The following SMIM35 variants were observed in gnomAD, a reference collection of about 807,000 sequenced individuals.
SMIM35 encodes the protein TMPRSS4 antisense RNA 1 (non-protein coding).
At chr11:118,077,135 G>A (rs879575556) in intron 1 of SMIM35, 33 of 666,620 alleles carry the variant, frequency 5.0e-5, no homozygotes, top group African/African-American at 7.5e-5. Context: ...GATGCTGGGC[G>A]TGAGGGACCA....
chr11:118,029,284 C>A (rs2058299099), intron 1 of SMIM35, among the ~76,000 whole-genome samples: 1 of 152,156 alleles, frequency 6.6e-6, no homozygotes, highest in South Asian at 2.1e-4. Context: ...CAACGAAACG[C>A]CGTCTCTACA....
intron 1 of SMIM35, among the ~76,000 whole-genome samples, chr11:118,027,603 T>C (rs76326028): frequency 0.06 from 9,186 of 152,268 alleles, 722 homozygotes; most frequent in African/African-American, 0.18. Flanking sequence ...AACTATGCTA[T>C]AACTTTTAGA....
chr11:118,059,077 A>G (rs1944358583), intron 1 of SMIM35: 1 of 152,298 alleles, frequency 6.6e-6, no homozygotes, highest in Non-Finnish European at 1.5e-5. Flanking sequence ...GCGTCTGCAC[A>G]CAGCCTCAGT....
chr11:118,075,832 T>C (rs1392744894), intron 1 of SMIM35, among the ~76,000 whole-genome samples: 1 of 152,260 alleles, frequency 6.6e-6, no homozygotes, highest in Non-Finnish European at 1.5e-5. Context: ...TTTAGTTTTG[T>C]CGCCCACAGA....
chr11:118,037,154 C>A (rs959915821), intron 1 of SMIM35, among the ~76,000 whole-genome samples: 4 of 152,172 alleles, frequency 2.6e-5, no homozygotes, highest in African/African-American at 7.2e-5. Context: ...GGTTGGCCAG[C>A]GACCACTCTA....
rs1234562290 is a variant in SMIM35 at position 118,005,782 on chromosome 11, C to T, written c.*628G>A. 3 of 152,672 alleles carry T rather than the reference C, an allele frequency of 2.0e-5. No individual in the cohort carries two copies. Among genetic ancestry groups the T allele is most frequent in the African/African-American group, 7.2e-5 (3 of 41,480 alleles). 9.5% of individuals were successfully genotyped at this position (152,672 alleles called of 1,614,324 possible). ...CACCATGAGGCTCTGTCCTGCTCCT[C>T]TGCATCCACTCCTGCTCCCTCAGTC... On this transcript the variant is annotated 3_prime_UTR_variant, in exon 5 of 5. Coordinates refer to ENST00000689828, the MANE Select transcript of SMIM35 (RefSeq NM_001394165.1).
intron 1 of SMIM35, among the ~76,000 whole-genome samples, chr11:118,021,586 TA>T (rs2058231861): frequency 1.3e-5 from 2 of 152,064 alleles, no homozygotes; most frequent in Non-Finnish European, 2.9e-5. Context: ...CAGTCACATA[TA>T]AAAGGGAAAA....
intron 1 of SMIM35, among the ~76,000 whole-genome samples, chr11:118,066,124 G>C (rs1030846223): frequency 6.6e-6 from 1 of 152,026 alleles, no homozygotes; most frequent in Non-Finnish European, 1.5e-5. Flanking sequence ...GACTCAAACT[G>C]TTCAGTCCCA....
intron 1 of SMIM35, among the ~76,000 whole-genome samples, chr11:118,022,027 TAA>T (rs1053807002): frequency 1.4e-5 from 2 of 145,374 alleles, no homozygotes; most frequent in African/African-American, 2.6e-5. Context: ...CATAAAACAA[TAA>T]GTCTTTTTTT....
At chr11:118,068,260 C>G (rs752637265) in intron 1 of SMIM35, among the ~76,000 whole-genome samples, 1 of 152,004 alleles carries the variant, frequency 6.6e-6, no homozygotes, top group Non-Finnish European at 1.5e-5. Context: ...CCCATTGCAC[C>G]CCTGGTTTTC....
intron 1 of SMIM35, among the ~76,000 whole-genome samples, chr11:118,048,382 G>T (rs674576): frequency 1.3e-5 from 2 of 151,864 alleles, no homozygotes; most frequent in East Asian, 1.9e-4. Flanking sequence ...ACCTGCTGGC[G>T]TGCTCCTGTA....
chr11:118,053,011 C>T (rs1591300376), intron 1 of SMIM35, among the ~76,000 whole-genome samples: 1 of 152,294 alleles, frequency 6.6e-6, no homozygotes, highest in Admixed American at 6.5e-5. Context: ...GTCTCCAAAG[C>T]CTACTAGCTC....
chr11:118,064,036 C>T (rs1247783694), intron 1 of SMIM35, among the ~76,000 whole-genome samples: 3 of 152,156 alleles, frequency 2.0e-5, no homozygotes, highest in East Asian at 1.9e-4. Context: ...AAGGGAGTTG[C>T]GGTCTTGTGG....
At chr11:118,079,081 G>A (rs1460578810) in intron 1 of SMIM35, among the ~76,000 whole-genome samples, 1 of 152,122 alleles carries the variant, frequency 6.6e-6, no homozygotes, top group Non-Finnish European at 1.5e-5. Context: ...GGGAACACTG[G>A]TGGAGGGGTC....
chr11:118,023,158 A>G (rs2058245941), intron 1 of SMIM35, among the ~76,000 whole-genome samples: 1 of 152,010 alleles, frequency 6.6e-6, no homozygotes, highest in South Asian at 2.1e-4. Flanking sequence ...AAAATGACCC[A>G]TAATGAACAG....
chr11:118,064,484 A>T (rs939364110), intron 1 of SMIM35, among the ~76,000 whole-genome samples: 1 of 152,186 alleles, frequency 6.6e-6, no homozygotes, highest in Admixed American at 6.5e-5. Context: ...AAATCTCCCT[A>T]TGTTGCCCAG....
intron 1 of SMIM35, among the ~76,000 whole-genome samples, chr11:118,043,857 T>G (rs1301492970): frequency 2.3e-4 from 30 of 130,056 alleles, no homozygotes; most frequent in South Asian, 5.1e-4. Flanking sequence ...CCAGGGGAAG[T>G]GGGGAGAAAA....
At chr11:118,078,371 G>A (rs1180251637) in intron 1 of SMIM35, among the ~76,000 whole-genome samples, 1 of 152,154 alleles carries the variant, frequency 6.6e-6, no homozygotes, top group Admixed American at 6.5e-5. Context: ...ACTGTCCAAG[G>A]GGGAAGGGTG....
At chr11:118,050,175 A>C (rs1199161638) in intron 1 of SMIM35, among the ~76,000 whole-genome samples, 1 of 152,240 alleles carries the variant, frequency 6.6e-6, no homozygotes, top group Non-Finnish European at 1.5e-5. Flanking sequence ...TAAAATGAAG[A>C]GGCTGGTGAG....
Sources: allele counts gnomAD v4.1 joint callset (sites outside exome capture counted in the v4.1 genomes callset), GRCh38; gene constraint gnomAD v4.1.1; transcripts MANE v1.5; gene names NCBI Gene and HGNC (gene_info 2026-07-23, HGNC 2026-07-21).